Variants in STXBP5L observed in about 807,000 individuals in gnomAD.
The protein encoded by STXBP5L is syntaxin binding protein 5L.
In STXBP5L, 65 loss-of-function variants were observed where a neutral mutation model predicts 144.5. The ratio of observed to expected loss-of-function variants is 0.45; its 90% CI spans 0.37 to 0.55. The LOEUF (loss-of-function observed/expected upper bound fraction) is 0.55. Ranked by LOEUF, STXBP5L falls within the 20% of genes least tolerant of loss-of-function variation. STXBP5L has a pLI of 0.00. For missense variants in STXBP5L, 1,298 were observed against 1,405.5 expected (o/e 0.92, Z 1.22); for synonymous variants, 505 against 469.6 (o/e 1.08, Z -0.97).
intron 9 of STXBP5L, among the ~76,000 whole-genome samples, chr3:121,186,424 G>T (rs148513669): frequency 4.4e-4 from 67 of 152,270 alleles, no homozygotes; most frequent in African/African-American, 1.6e-3. Context: ...TATATTGACT[G>T]TGGGTTTGTC....
intron 17 of STXBP5L, among the ~76,000 whole-genome samples, chr3:121,257,617 G>A (rs1282299930): frequency 6.6e-6 from 1 of 152,190 alleles, no homozygotes; most frequent in East Asian, 1.9e-4. Flanking sequence ...TGACATGCAT[G>A]ATATTTCCAA....
chr3:121,057,412 C>A (rs1385717131), intron 5 of STXBP5L, among the ~76,000 whole-genome samples: 1 of 151,930 alleles, frequency 6.6e-6, no homozygotes, highest in African/African-American at 2.4e-5. Context: ...CTTGAAATAA[C>A]TTTGCCGTTG....
At chr3:120,930,535 T>G (rs1284275294) in intron 2 of STXBP5L, among the ~76,000 whole-genome samples, 1 of 152,186 alleles carries the variant, frequency 6.6e-6, no homozygotes, top group Non-Finnish European at 1.5e-5. Context: ...CCTTGACTTT[T>G]TTTTCTTTCT....
intron 5 of STXBP5L, among the ~76,000 whole-genome samples, chr3:121,077,984 G>T (rs1346025199): frequency 6.6e-6 from 1 of 151,688 alleles, no homozygotes; most frequent in African/African-American, 2.4e-5. Context: ...GATACAGAGT[G>T]TCGATTGGTA....
At chr3:121,128,037 A>G (rs1312180811) in intron 7 of STXBP5L, among the ~76,000 whole-genome samples, 1 of 152,126 alleles carries the variant, frequency 6.6e-6, no homozygotes, top group Non-Finnish European at 1.5e-5. Flanking sequence ...ATCTTCCTCA[A>G]GGAATAAATA....
intron 9 of STXBP5L, among the ~76,000 whole-genome samples, chr3:121,165,970 C>CATTCT (rs1317969517): frequency 4.9e-4 from 1 of 2,042 alleles, no homozygotes; most frequent in Non-Finnish European, 8.6e-4. Flanking sequence ...GCCCCTGTTC[C>CATTCT]ATTCTATTCT....
chr3:120,947,688 A>G (rs1345803745), intron 2 of STXBP5L, among the ~76,000 whole-genome samples: 3 of 151,852 alleles, frequency 2.0e-5, no homozygotes, highest in Non-Finnish European at 4.4e-5. Context: ...TTCCTATTCT[A>G]TACACTTCAT....
At chr3:121,339,668 C>G (rs2044635574) in intron 20 of STXBP5L, among the ~76,000 whole-genome samples, 1 of 151,914 alleles carries the variant, frequency 6.6e-6, no homozygotes, top group Non-Finnish European at 1.5e-5. Context: ...ACCTAAAGAT[C>G]CCTCCAAAAG....
At chr3:121,280,608 A>C (rs747911963) in intron 19 of STXBP5L, among the ~76,000 whole-genome samples, 17 of 152,118 alleles carry the variant, frequency 1.1e-4, no homozygotes, top group Non-Finnish European at 1.8e-4. Context: ...CAATTATCCA[A>C]AGTTTTACTG....
intron 7 of STXBP5L, among the ~76,000 whole-genome samples, chr3:121,149,370 C>T (rs1459238953): frequency 6.6e-6 from 1 of 151,900 alleles, no homozygotes; most frequent in Non-Finnish European, 1.5e-5. Context: ...CCCCAGAATT[C>T]AGGATCTTAT....
At chr3:121,269,445 A>G (rs1450081722) in intron 18 of STXBP5L, among the ~76,000 whole-genome samples, 1 of 151,846 alleles carries the variant, frequency 6.6e-6, no homozygotes, top group East Asian at 1.9e-4. Flanking sequence ...ATATGTATAT[A>G]TATATATAGA....
intron 9 of STXBP5L, among the ~76,000 whole-genome samples, chr3:121,200,860 A>G (rs2048110344): frequency 1.3e-5 from 2 of 152,094 alleles, no homozygotes; most frequent in Non-Finnish European, 2.9e-5. Flanking sequence ...GTTTGTTATG[A>G]TTTCCATTCA....
chr3:121,149,325 C>A (rs1369826696), intron 7 of STXBP5L, among the ~76,000 whole-genome samples: 1 of 151,000 alleles, frequency 6.6e-6, no homozygotes, highest in African/African-American at 2.4e-5. Flanking sequence ...TTCTTTAAAT[C>A]TCTCTCTCTC....
chr3:121,118,497 G>T (rs1436847875), intron 6 of STXBP5L, among the ~76,000 whole-genome samples: 1 of 151,612 alleles, frequency 6.6e-6, no homozygotes, highest in Non-Finnish European at 1.5e-5. Context: ...GATAGCAAGG[G>T]ATAAAGCTGG....
At chr3:121,000,386 A>C (rs577098615) in intron 3 of STXBP5L, among the ~76,000 whole-genome samples, 2 of 152,156 alleles carry the variant, frequency 1.3e-5, no homozygotes, top group East Asian at 3.9e-4. Context: ...TCTTTCCTGA[A>C]CTTAGTATAT....
At chr3:121,060,470 G>T (rs566355117) in intron 5 of STXBP5L, among the ~76,000 whole-genome samples, 16 of 151,870 alleles carry the variant, frequency 1.1e-4, no homozygotes, top group Non-Finnish European at 2.1e-4. Flanking sequence ...TTGGTGTCAG[G>T]ATGAAGCTGG....
chr3:121,117,898 A>G (rs1456692077), intron 6 of STXBP5L, among the ~76,000 whole-genome samples: 3 of 151,812 alleles, frequency 2.0e-5, no homozygotes, highest in Admixed American at 2.0e-4. Flanking sequence ...ACAGCATAGA[A>G]CTAAACTATC....
intron 19 of STXBP5L, among the ~76,000 whole-genome samples, chr3:121,295,831 G>A (rs1031443753): frequency 6.6e-6 from 1 of 152,076 alleles, no homozygotes; most frequent in East Asian, 1.9e-4. Flanking sequence ...GAACACAATT[G>A]TAAATAATAA....
intron 22 of STXBP5L, among the ~76,000 whole-genome samples, chr3:121,391,257 T>C (rs1294338264): frequency 6.6e-6 from 1 of 152,240 alleles, no homozygotes; most frequent in Non-Finnish European, 1.5e-5. Flanking sequence ...AGGTCTTCTC[T>C]ACACTGTTTA....
Sources: gnomAD v4.1 joint callset for allele counts (sites outside exome capture counted in the v4.1 genomes callset) on GRCh38, gnomAD v4.1.1 for gene constraint, MANE v1.5 for transcripts, NCBI Gene and HGNC (gene_info 2026-07-23, HGNC 2026-07-21) for gene names.